MARCHF4: variants seen among roughly 807,000 people sequenced by gnomAD.
The protein encoded by MARCHF4 is membrane associated ring-CH-type finger 4, also known as E3 ubiquitin-protein ligase MARCHF4.
Under a neutral mutation model 43.9 loss-of-function variants are expected in MARCHF4, and 14 were observed. That is an observed-to-expected ratio of 0.32 (90% CI 0.21 to 0.50). The LOEUF is 0.50. MARCHF4 is among the 20% of genes least tolerant of loss of function. MARCHF4 has a pLI of 0.98. For synonymous variants in MARCHF4, 226 were observed against 213.3 expected (o/e 1.06, Z -0.52); for missense variants, 468 against 536.7 (o/e 0.87, Z 1.27).
rs569961614 is a variant in MARCHF4 at position 216,370,724 on chromosome 2, G to T, written c.-464C>A. On this transcript the variant is annotated 5_prime_UTR_variant, in exon 1 of 4. Transcript: ENST00000273067. ...GAGAAATCTTTCTTTTATATAAAAG[G>T]GTGGGGACAATTGTAAATCAAATCT... The T allele has an allele frequency of 3.2e-5, 5 of 154,174 alleles. No individual in the cohort carries two copies. The highest frequency in any genetic ancestry group is 1.2e-4 in the African/African-American group (5 of 41,596). The allele number at this position is 154,174 out of a possible 1,614,324, so 9.6% of individuals were successfully genotyped here. A position where few individuals can be genotyped will look rare whatever the true frequency, so the allele number is the denominator to read the frequency against.
chr2:216,291,112 A>T (rs1001126186), intron 1 of MARCHF4, among the ~76,000 whole-genome samples: 1 of 152,144 alleles, frequency 6.6e-6, no homozygotes, highest in African/African-American at 2.4e-5. Flanking sequence ...GGGGTGCCAG[A>T]GGTGATCGCT....
intron 2 of MARCHF4, among the ~76,000 whole-genome samples, chr2:216,279,808 G>A (rs544700522): frequency 6.6e-6 from 1 of 152,312 alleles, no homozygotes; most frequent in African/African-American, 2.4e-5. Context: ...CATAATGAAA[G>A]GATTTTCCAG....
chr2:216,325,505 C>A lies in MARCHF4; in HGVS notation c.517-41776G>T, dbSNP rs1691973944. ...GGAACCAAAAAAGAGCCCGCATTGCCAAGTCAATCCTAAGCCAAAAGAACA... is the reference window on the plus strand; with the variant it reads ...GGAACCAAAAAAGAGCCCGCATTGCAAAGTCAATCCTAAGCCAAAAGAACA... On this transcript the variant is annotated intron_variant, in intron 1 of 3. Transcript: ENST00000273067. Among the ~76,000 whole-genome samples the A allele has an allele frequency of 3.9e-5, 6 of 152,124 alleles. No individual in the cohort carries two copies. The South Asian group carries it at 1.2e-3, about 32-fold the overall frequency.
intron 2 of MARCHF4, among the ~76,000 whole-genome samples, chr2:216,279,639 C>T (rs1013623299): frequency 3.9e-5 from 6 of 152,242 alleles, no homozygotes; most frequent in African/African-American, 1.4e-4. Flanking sequence ...TGGGATTGGC[C>T]TGGCCAGTGG....
intron 1 of MARCHF4, among the ~76,000 whole-genome samples, chr2:216,346,432 C>T (rs1466965136): frequency 2.0e-5 from 3 of 152,172 alleles, no homozygotes; most frequent in African/African-American, 7.2e-5. Context: ...CCTCAGTGTG[C>T]CAGCCTCTGC....
intron 1 of MARCHF4, among the ~76,000 whole-genome samples, chr2:216,369,406 C>A (rs937189820): frequency 2.0e-5 from 3 of 152,212 alleles, no homozygotes; most frequent in African/African-American, 7.2e-5. Flanking sequence ...AAAAGGATAT[C>A]TTGGCAACCA....
chr2:216,337,418 AAC>A (rs1692174368), intron 1 of MARCHF4, among the ~76,000 whole-genome samples: 1 of 151,942 alleles, frequency 6.6e-6, no homozygotes, highest in Non-Finnish European at 1.5e-5. Flanking sequence ...TACTTTAGTA[AAC>A]ACACAAAAAA....
At chr2:216,280,698 C>T (rs1439297025) in intron 2 of MARCHF4, among the ~76,000 whole-genome samples, 2 of 152,210 alleles carry the variant, frequency 1.3e-5, no homozygotes, top group East Asian at 1.9e-4. Context: ...CGCCACCACT[C>T]GGTAGCTGTG....
At chr2:216,267,485 G>C (rs12988570) in intron 3 of MARCHF4, among the ~76,000 whole-genome samples, 2 of 152,058 alleles carry the variant, frequency 1.3e-5, no homozygotes, top group Non-Finnish European at 2.9e-5. Flanking sequence ...AGAGATGGAA[G>C]GAGTTTGGGA....
intron 1 of MARCHF4, among the ~76,000 whole-genome samples, chr2:216,297,360 C>T (rs1480566564): frequency 2.6e-5 from 4 of 152,168 alleles, no homozygotes; most frequent in Non-Finnish European, 5.9e-5. Context: ...TCCAGTTTTC[C>T]CATTCCGATC....
chr2:216,283,448 C>T (rs1691164770), intron 2 of MARCHF4, 126 bp downstream of exon 2: 2 of 1,210,042 alleles, frequency 1.7e-6, no homozygotes, highest in Admixed American at 2.3e-5. Context: ...CGTGCTTGCC[C>T]ACCCAGCCCA....
At chr2:216,280,140 C>T (rs528676160) in intron 2 of MARCHF4, among the ~76,000 whole-genome samples, 1 of 151,998 alleles carries the variant, frequency 6.6e-6, no homozygotes, top group Non-Finnish European at 1.5e-5. Flanking sequence ...CTGTCTGTCC[C>T]ATATGAGGCT....
intron 1 of MARCHF4, among the ~76,000 whole-genome samples, chr2:216,341,712 A>G (rs1692237789): frequency 6.6e-6 from 1 of 152,134 alleles, no homozygotes; most frequent in Non-Finnish European, 1.5e-5. Flanking sequence ...ATCTTTAACA[A>G]CTGGACCTGC....
chr2:216,332,390 T>C (rs911051657), intron 1 of MARCHF4, among the ~76,000 whole-genome samples: 2 of 94,564 alleles, frequency 2.1e-5, no homozygotes, highest in African/African-American at 8.1e-5. Context: ...AGACTCTGTC[T>C]AAAAAAAAAA....
chr2:216,356,875 T>A (rs1315687398), intron 1 of MARCHF4, among the ~76,000 whole-genome samples: 1 of 152,008 alleles, frequency 6.6e-6, no homozygotes. Context: ...ATATAAAAAT[T>A]AGCTGGGCGT....
At chr2:216,369,311 T>A (rs1380645298) in intron 1 of MARCHF4, among the ~76,000 whole-genome samples, 6 of 152,160 alleles carry the variant, frequency 3.9e-5, no homozygotes, top group African/African-American at 1.2e-4. Context: ...GAGAACAAGA[T>A]CTCGGCATAC....
At chr2:216,331,287 AT>A (rs1379289825) in intron 1 of MARCHF4, among the ~76,000 whole-genome samples, 5 of 152,068 alleles carry the variant, frequency 3.3e-5, no homozygotes, top group Non-Finnish European at 7.4e-5. Flanking sequence ...GAAAAGCACA[AT>A]TTAAAAAAAA....
chr2:216,340,634 A>G (rs560770476), intron 1 of MARCHF4, among the ~76,000 whole-genome samples: 2 of 152,318 alleles, frequency 1.3e-5, no homozygotes, highest in South Asian at 2.1e-4. Flanking sequence ...TTGACAGAGC[A>G]TCTCCCATGC....
At chr2:216,268,698 C>T (rs936239454) in intron 3 of MARCHF4, among the ~76,000 whole-genome samples, 4 of 152,190 alleles carry the variant, frequency 2.6e-5, no homozygotes, top group African/African-American at 9.7e-5. Flanking sequence ...CTATTCTGGT[C>T]TTCAGACCTA....
Sources: gnomAD v4.1 joint callset for allele counts (sites outside exome capture counted in the v4.1 genomes callset) on GRCh38, gnomAD v4.1.1 for gene constraint, MANE v1.5 for transcripts, NCBI Gene and HGNC (gene_info 2026-07-23, HGNC 2026-07-21) for gene names.